Variants in ZPLD1 observed in about 807,000 individuals in gnomAD.
ZPLD1 encodes zona pellucida-like domain-containing protein 1.
In ZPLD1, 34 loss-of-function variants were observed where a neutral mutation model predicts 47.2. The ratio of observed to expected loss-of-function variants is 0.72; its 90% CI spans 0.55 to 0.96. The LOEUF (loss-of-function observed/expected upper bound fraction) is 0.96, where lower values mean the gene tolerates loss of function less well. ZPLD1 is among the 40% of genes least tolerant of loss of function. ZPLD1 has a pLI of 0.00. For synonymous variants in ZPLD1, 176 were observed against 186.2 expected (o/e 0.95, Z 0.45); for missense variants, 512 against 505.8 (o/e 1.01, Z -0.12).
chr3:102,463,669 G>C (rs1242867399), intron 7 of ZPLD1, among the ~76,000 whole-genome samples: 3 of 152,104 alleles, frequency 2.0e-5, no homozygotes, highest in Non-Finnish European at 4.4e-5. Flanking sequence ...AAATAAGCAG[G>C]ATGGAATAAG....
chr3:102,434,589 T>C (rs1051758346), upstream of ZPLD1, among the ~76,000 whole-genome samples: 7 of 152,196 alleles, frequency 4.6e-5, no homozygotes, highest in Non-Finnish European at 7.3e-5. Context: ...TTCCCATCAA[T>C]TTAAACTTAT....
intron 10 of ZPLD1, 50 bp downstream of exon 10, chr3:102,470,552 C>G (rs1238604617): frequency 6.7e-7 from 1 of 1,487,558 alleles, no homozygotes; most frequent in East Asian, 2.3e-5. Flanking sequence ...TCCAAAATGC[C>G]TCGTTACTTG....
At chr3:102,407,392 AATATATATATATATAT>A (rs63183460) in intron 7 of ZPLD1, among the ~76,000 whole-genome samples, 1,466 of 37,892 alleles carry the variant, frequency 0.039, 62 homozygotes, top group Non-Finnish European at 0.069. Flanking sequence ...TTGATTTTCA[AATATATATATATATAT>A]ATATATATAT....
intron 5 of ZPLD1, among the ~76,000 whole-genome samples, chr3:102,456,789 G>C (rs1400612901): frequency 3.9e-5 from 6 of 152,124 alleles, no homozygotes; most frequent in South Asian, 2.1e-4. Context: ...ATTTTGCTTG[G>C]CTTCCCTCTT....
intron 3 of ZPLD1, among the ~76,000 whole-genome samples, chr3:102,452,072 T>A (rs565900251): frequency 6.6e-6 from 1 of 151,892 alleles, no homozygotes; most frequent in South Asian, 2.1e-4. Flanking sequence ...ATACATTTTC[T>A]ACATTACATG....
chr3:102,408,901 C>T (rs970217415), intron 7 of ZPLD1, among the ~76,000 whole-genome samples: 2 of 151,770 alleles, frequency 1.3e-5, no homozygotes, highest in African/African-American at 2.4e-5. Flanking sequence ...AATGTGATAG[C>T]ATAGTGAGCT....
chr3:102,451,421 T>C (rs1407131046), intron 3 of ZPLD1, among the ~76,000 whole-genome samples: 1 of 152,238 alleles, frequency 6.6e-6, no homozygotes, highest in East Asian at 1.9e-4. Flanking sequence ...AATCAGTTTT[T>C]GTTTGTTTCT....
chr3:102,431,909 C>CACAA (rs1291127192), upstream of ZPLD1, among the ~76,000 whole-genome samples: 1 of 152,136 alleles, frequency 6.6e-6, no homozygotes, highest in Non-Finnish European at 1.5e-5. Context: ...AACTCTGTCT[C>CACAA]ACAAACAAAC....
chr3:102,417,667 T>A (rs1046309076), intron 7 of ZPLD1, among the ~76,000 whole-genome samples: 5 of 151,954 alleles, frequency 3.3e-5, no homozygotes, highest in Non-Finnish European at 7.4e-5. Context: ...CATCACTGCA[T>A]GAAATGTAGT....
intron 10 of ZPLD1, 24 bp downstream of exon 10, chr3:102,470,526 T>C (rs768007559): frequency 2.7e-5 from 43 of 1,596,924 alleles, no homozygotes; most frequent in African/African-American, 4.0e-5. Context: ...TCCTTCTGTA[T>C]GTAGTAATAG....
chr3:102,395,143 A>G (rs540753550), intron 7 of ZPLD1, among the ~76,000 whole-genome samples: 1 of 152,150 alleles, frequency 6.6e-6, no homozygotes, highest in East Asian at 1.9e-4. Context: ...AAATCTCCCT[A>G]CCCCAATTTA....
chr3:102,453,036 G>A lies in ZPLD1; in HGVS notation c.224G>A (p.Gly75Glu). The stretch of plus-strand genomic sequence containing the variant: ...GATCTGGCACTGAATGGAAGGCATG[G>A]GGACTCCCACTGCAGAGGGTTCATC... ...ETDLALNGRH[G>E]DSHCRGFINN... is the part of the protein sequence containing the mutation. Residue 75 changes from glycine to glutamate, a missense_variant, in exon 4 of 12, where the codon GGG (glycine) becomes GAG (glutamate). Physicochemically the swap from Gly to Glu is moderately conservative, Grantham distance 98 (BLOSUM62 -2). Transcript: ENST00000466937. The A allele has an allele frequency of 1.2e-6, 2 of 1,614,086 alleles. No individual in the cohort carries two copies. The highest frequency in any genetic ancestry group is 2.2e-5 in the South Asian group (2 of 91,078).
chr3:102,391,031 T>A (rs1189825753), intron 6 of ZPLD1, among the ~76,000 whole-genome samples: 1 of 152,096 alleles, frequency 6.6e-6, no homozygotes, highest in East Asian at 1.9e-4. Context: ...GAAAGGGAAA[T>A]GATATGTTTA....
At position 102,462,383 on chromosome 3, in the gene ZPLD1, T is replaced by C. The variant is rs1707522149; in HGVS notation, c.680+5T>C. The C allele has an allele frequency of 5.0e-6, 8 of 1,597,808 alleles. No individual in the cohort carries two copies. Among genetic ancestry groups the C allele is most frequent in the Middle Eastern group, 1.7e-4 (1 of 6,016 alleles). On this transcript the variant is annotated splice_donor_5th_base_variant and intron_variant, in intron 7 of 11. Transcript: ENST00000466937. ...AGCCACTAATTTGGATGGCAGGTAA[T>C]TTCAAACTCTTGTCTTTTTTAGGTT... is the stretch of plus-strand genomic sequence containing the variant.
At chr3:102,400,875 TC>T (rs1460525820) in intron 7 of ZPLD1, among the ~76,000 whole-genome samples, 1 of 152,030 alleles carries the variant, frequency 6.6e-6, no homozygotes, top group Non-Finnish European at 1.5e-5. Context: ...CAAACTAGTC[TC>T]CCTTTGGCCT....
intron 4 of ZPLD1, among the ~76,000 whole-genome samples, chr3:102,454,186 A>G (rs1707378487): frequency 6.6e-6 from 1 of 152,186 alleles, no homozygotes; most frequent in African/African-American, 2.4e-5. Flanking sequence ...CTTGTTCTTT[A>G]TCTTTTCCCA....
chr3:102,450,035 G>C (rs774108854), intron 3 of ZPLD1, among the ~76,000 whole-genome samples: 1 of 152,168 alleles, frequency 6.6e-6, no homozygotes, highest in Non-Finnish European at 1.5e-5. Flanking sequence ...ATACATATAT[G>C]ATTCTAAGGC....
intron 1 of ZPLD1, among the ~76,000 whole-genome samples, chr3:102,436,526 A>T (rs1314163158): frequency 6.6e-6 from 1 of 152,224 alleles, no homozygotes; most frequent in Non-Finnish European, 1.5e-5. Context: ...ATTTAATAAC[A>T]GATGAAATTT....
intron 6 of ZPLD1, among the ~76,000 whole-genome samples, chr3:102,460,211 G>A (rs141672984): frequency 1.1e-3 from 160 of 151,976 alleles, no homozygotes; most frequent in African/African-American, 3.6e-3. Context: ...TATTTCACAT[G>A]GAATGTTTTT....
Sources: gnomAD v4.1 joint callset for allele counts (sites outside exome capture counted in the v4.1 genomes callset) on GRCh38, gnomAD v4.1.1 for gene constraint, MANE v1.5 for transcripts, NCBI Gene and HGNC (gene_info 2026-07-23, HGNC 2026-07-21) for gene names.